GARNL3: variants seen among roughly 807,000 people sequenced by gnomAD.
GARNL3 encodes the protein GTPase-activating Rap/Ran-GAP domain-like protein 3.
A neutral mutation model predicts 125.0 loss-of-function variants in GARNL3; 63 were observed. The ratio of observed to expected loss-of-function variants is 0.50; its 90% CI spans 0.41 to 0.62. The LOEUF (loss-of-function observed/expected upper bound fraction) is 0.62. Ranked by LOEUF, GARNL3 falls within the 20% of genes least tolerant of loss-of-function variation. The pLI is 0.00. For synonymous variants in GARNL3, 439 were observed against 457.5 expected, an observed-to-expected ratio of 0.96 and a Z score of 0.52; for missense variants, 994 against 1,244.0, an observed-to-expected ratio of 0.80 and a Z score of 3.02.
chr9:127,239,276 G>T (rs1360878250), intron 1 of GARNL3, among the ~76,000 whole-genome samples: 1 of 152,154 alleles, frequency 6.6e-6, no homozygotes, highest in Non-Finnish European at 1.5e-5. Flanking sequence ...TCTTCAGCCT[G>T]TCCTCAGAAG....
rs756214963 is a variant in GARNL3, at chr9:127,393,108, G to A, written c.2896G>A (p.Ala966Thr). 6.2e-7 allele frequency: 1 copy of A among 1,606,232 alleles called. No individual in the cohort carries two copies. Among genetic ancestry groups the A allele is most frequent in the East Asian group, 2.2e-5 (1 of 44,648 alleles). ...GATCCCATCAGGCTCCTTGGAAAGT[G>A]CTTCTACTTCCGAAGCCAACCCTGA... ...DRIPSGSLES[A>T]STSEANPEGH... Residue 966 changes from alanine (A) to threonine (T), a missense_variant, in exon 28 of 28, where the codon GCT becomes ACT. Ala to Thr is a moderately conservative substitution (Grantham distance 58). This residue lies in a region of GARNL3 where 728 missense variants were observed against 865.7 expected (regional missense o/e 0.84). Coordinates refer to ENST00000373387, the MANE Select transcript of GARNL3 (RefSeq NM_032293.5).
At chr9:127,320,359 A>T (rs144636238) in intron 5 of GARNL3, among the ~76,000 whole-genome samples, 43 of 152,334 alleles carry the variant, frequency 2.8e-4, no homozygotes, top group African/African-American at 7.7e-4. Context: ...AAAACATTTT[A>T]AAAAGTCTTG....
chr9:127,239,663 A>G (rs1057012989), intron 1 of GARNL3, among the ~76,000 whole-genome samples: 2 of 152,220 alleles, frequency 1.3e-5, no homozygotes, highest in Non-Finnish European at 2.9e-5. Context: ...TATATTTTAA[A>G]TAGTGAGAAG....
Position 127,339,729 on chromosome 9 carries a change from C to T in GARNL3, c.1113C>T (p.Phe371=), listed in dbSNP as rs1829760117. The T allele has an allele frequency of 1.2e-6, 2 of 1,612,588 alleles. No homozygotes were observed. The highest frequency in any genetic ancestry group is 1.7e-6 in the Non-Finnish European group (2 of 1,178,564). Residue 371 remains phenylalanine (F), a synonymous_variant, in exon 13 of 28, where the codon TTC becomes TTT. Transcript: ENST00000373387. ...TPPVFTDHQE[F]RDFLLVKLIN... is the part of the protein sequence containing the mutation. ...CAGTGTTTACAGACCACCAGGAATTCAGGGACTTTTTGCTAGTGAAATGTA... is the reference window on the plus strand; with the variant it reads ...CAGTGTTTACAGACCACCAGGAATTTAGGGACTTTTTGCTAGTGAAATGTA...
At chr9:127,343,035 T>C (rs9650751) in intron 14 of GARNL3, among the ~76,000 whole-genome samples, 1 of 151,518 alleles carries the variant, frequency 6.6e-6, no homozygotes, top group Non-Finnish European at 1.5e-5. Context: ...GTAGCTGGGG[T>C]TATAGGCATA....
At chr9:127,299,730 C>G in intron 2 of GARNL3, among the ~76,000 whole-genome samples, 1 of 152,154 alleles carries the variant, frequency 6.6e-6, no homozygotes, top group East Asian at 1.9e-4. Flanking sequence ...GCCACCACAC[C>G]TGGCTAATTT....
intron 16 of GARNL3, among the ~76,000 whole-genome samples, chr9:127,347,937 G>A (rs1227280942): frequency 1.3e-5 from 2 of 152,164 alleles, no homozygotes; most frequent in African/African-American, 4.8e-5. Flanking sequence ...GTAACACACA[G>A]CATTTACCCT....
upstream of GARNL3, chr9:127,264,638 G>C: frequency 8.7e-7 from 1 of 1,145,678 alleles, no homozygotes; most frequent in Non-Finnish European, 1.1e-6. Context: ...TGGTTATACA[G>C]AAATGAAATT....
At chr9:127,231,528 C>A (rs1324897780) in intron 1 of GARNL3, among the ~76,000 whole-genome samples, 1 of 152,068 alleles carries the variant, frequency 6.6e-6, no homozygotes, top group Non-Finnish European at 1.5e-5. Flanking sequence ...ATATGAGCTA[C>A]CACATTAACA....
chr9:127,230,831 A>T (rs758754293), intron 1 of GARNL3, among the ~76,000 whole-genome samples: 7 of 151,406 alleles, frequency 4.6e-5, no homozygotes, highest in Non-Finnish European at 1.0e-4. Context: ...AGAGGAGGTG[A>T]GGAAAAGGAC....
At chr9:127,330,859 A>G (rs1208213230) in intron 7 of GARNL3, among the ~76,000 whole-genome samples, 1 of 152,196 alleles carries the variant, frequency 6.6e-6, no homozygotes, top group African/African-American at 2.4e-5. Context: ...AACCACTGTT[A>G]GTGATGAGTG....
At chr9:127,311,857 A>G in intron 3 of GARNL3, 122 bp downstream of exon 3, 1 of 638,842 alleles carries the variant, frequency 1.6e-6, no homozygotes, top group South Asian at 1.8e-5. Context: ...ACATCAGGGC[A>G]TTTCACTTCA....
At chr9:127,259,980 C>T (rs570906553), upstream of GARNL3, among the ~76,000 whole-genome samples, 1 of 152,316 alleles carries the variant, frequency 6.6e-6, no homozygotes, top group South Asian at 2.1e-4. Flanking sequence ...CTGCAGTGAG[C>T]TATGATTACA....
At chr9:127,310,519 C>T (rs568598899) in intron 2 of GARNL3, among the ~76,000 whole-genome samples, 32 of 152,254 alleles carry the variant, frequency 2.1e-4, no homozygotes, top group African/African-American at 7.2e-4. Flanking sequence ...TAGTGGCTCA[C>T]ACCTGTAATC....
At chr9:127,235,843 T>C (rs909207219) in intron 1 of GARNL3, among the ~76,000 whole-genome samples, 8 of 152,042 alleles carry the variant, frequency 5.3e-5, no homozygotes, top group African/African-American at 1.7e-4. Context: ...TGAGAGGAGA[T>C]GATTGGAAAC....
chr9:127,365,810 G>A (rs1831257572), intron 22 of GARNL3, among the ~76,000 whole-genome samples: 1 of 152,178 alleles, frequency 6.6e-6, no homozygotes, highest in South Asian at 2.1e-4. Context: ...GCCAGGGTTT[G>A]CATCGGGTGC....
intron 22 of GARNL3, among the ~76,000 whole-genome samples, chr9:127,372,868 A>G (rs1175084358): frequency 6.6e-6 from 1 of 152,222 alleles, no homozygotes; most frequent in Non-Finnish European, 1.5e-5. Flanking sequence ...TATACTTCCC[A>G]GTGTGGAAGC....
chr9:127,331,832 TAA>T (rs1277637143), intron 7 of GARNL3, among the ~76,000 whole-genome samples: 3 of 151,780 alleles, frequency 2.0e-5, no homozygotes, highest in African/African-American at 7.3e-5. Context: ...TTTCTGTGTC[TAA>T]AAGAGTCCAC....
At chr9:127,225,213 G>C in intron 1 of GARNL3, 2 of 260,928 alleles carry the variant, frequency 7.7e-6, no homozygotes, top group Non-Finnish European at 1.2e-5. Flanking sequence ...CCAGCGAGGG[G>C]AGAGGGGCGG....
Sources: allele counts gnomAD v4.1 joint callset (sites outside exome capture counted in the v4.1 genomes callset), GRCh38; gene constraint gnomAD v4.1.1; regional missense constraint gnomAD v4.1.1; transcripts MANE v1.5; gene names NCBI Gene and HGNC (gene_info 2026-07-23, HGNC 2026-07-21).